Variants in TCF7L1 observed in about 807,000 individuals in gnomAD.
TCF7L1 encodes transcription factor 7-like 1.
In TCF7L1, 18 loss-of-function variants were observed where a neutral mutation model predicts 63.7. The observed-to-expected ratio is 0.28, with a 90% CI of 0.20 to 0.42. The LOEUF is 0.42. TCF7L1 is among the 10% of genes least tolerant of loss of function. TCF7L1 has a pLI of 1.00. For missense variants in TCF7L1, 654 were observed against 779.3 expected (o/e 0.84, Z 1.91); for synonymous variants, 355 against 340.9 (o/e 1.04, Z -0.46).
At chr2:85,203,210 T>C (rs905033206) in intron 3 of TCF7L1, among the ~76,000 whole-genome samples, 3 of 152,222 alleles carry the variant, frequency 2.0e-5, no homozygotes, top group African/African-American at 7.2e-5. Flanking sequence ...TAATAGCATT[T>C]CTAACATTGG....
At chr2:85,294,135 C>G (rs1440236402) in intron 4 of TCF7L1, among the ~76,000 whole-genome samples, 1 of 148,260 alleles carries the variant, frequency 6.7e-6, no homozygotes, top group African/African-American at 2.5e-5. Context: ...TTCCCGGATT[C>G]ACGCCATTCG....
At chr2:85,234,207 C>A (rs1317680308) in intron 3 of TCF7L1, among the ~76,000 whole-genome samples, 1 of 143,228 alleles carries the variant, frequency 7.0e-6, no homozygotes, top group Admixed American at 7.1e-5. Flanking sequence ...ATGATCTCAG[C>A]TCACTGCAAC....
intron 3 of TCF7L1, among the ~76,000 whole-genome samples, chr2:85,165,730 G>GT (rs982556612): frequency 3.3e-5 from 5 of 152,138 alleles, no homozygotes; most frequent in Non-Finnish European, 5.9e-5. Flanking sequence ...AACTTGGTTT[G>GT]TTTTTTGTTT....
intron 8 of TCF7L1, among the ~76,000 whole-genome samples, chr2:85,305,752 G>A (rs973813399): frequency 6.6e-6 from 1 of 152,168 alleles, no homozygotes; most frequent in Non-Finnish European, 1.5e-5. Flanking sequence ...CTTGTGGTGG[G>A]CTGGTGGCCG....
At chr2:85,264,507 A>G (rs933733018) in intron 3 of TCF7L1, among the ~76,000 whole-genome samples, 8 of 152,264 alleles carry the variant, frequency 5.3e-5, no homozygotes, top group African/African-American at 1.7e-4. Flanking sequence ...TGGAATTTTC[A>G]GGTCATCATC....
chr2:85,194,993 A>T (rs750618323), intron 3 of TCF7L1, among the ~76,000 whole-genome samples: 1 of 152,042 alleles, frequency 6.6e-6, no homozygotes, highest in East Asian at 1.9e-4. Context: ...CCCCAGTCCC[A>T]CCCCCGAGGT....
In TCF7L1 at chr2:85,306,594, C is replaced by A; in HGVS notation, c.1257+35C>A. The A allele has an allele frequency of 6.4e-7, 1 of 1,554,606 alleles. No individual in the cohort carries two copies. The highest frequency in any genetic ancestry group is 8.9e-7 in the Non-Finnish European group (1 of 1,127,658). ...CACTCTGGGCAGAGGACGCTCAGACCCCAGGAACAGCCTCTGCAAGAGGAG... is the reference window on the plus strand; with the variant it reads ...CACTCTGGGCAGAGGACGCTCAGACACCAGGAACAGCCTCTGCAAGAGGAG... On this transcript the variant is annotated intron_variant, in intron 10 of 11. Transcript: ENST00000282111. This position sits in a 1 kb window ranked among gnomAD's most constrained non-coding sequence, Gnocchi z 4.3.
chr2:85,146,195 C>T (rs1677876371), intron 3 of TCF7L1, among the ~76,000 whole-genome samples: 1 of 152,170 alleles, frequency 6.6e-6, no homozygotes, highest in Non-Finnish European at 1.5e-5. Flanking sequence ...ACACTGAATT[C>T]TTGTGCATCT....
chr2:85,277,411 C>T (rs564539056), intron 3 of TCF7L1, among the ~76,000 whole-genome samples: 2 of 151,952 alleles, frequency 1.3e-5, no homozygotes, highest in Non-Finnish European at 2.9e-5. Flanking sequence ...CACCTGCACC[C>T]GGAGTTTGGG....
chr2:85,170,437 T>G (rs1483463078), intron 3 of TCF7L1, among the ~76,000 whole-genome samples: 9 of 152,190 alleles, frequency 5.9e-5, no homozygotes, highest in Non-Finnish European at 1.2e-4. Context: ...TGCTCAGGGT[T>G]TGGAGTGCCA....
At chr2:85,304,368 G>A (rs370492773) in intron 7 of TCF7L1, 30 bp downstream of exon 7, 128 of 1,607,232 alleles carry the variant, frequency 8.0e-5, no homozygotes, top group Non-Finnish European at 1.1e-4. Context: ...CTGTCCGCAT[G>A]TTTGTCTTAG....
intron 11 of TCF7L1, among the ~76,000 whole-genome samples, chr2:85,308,314 C>T (rs549913078): frequency 2.6e-4 from 36 of 140,962 alleles, no homozygotes; most frequent in African/African-American, 4.8e-4. Context: ...GCTGCTTGCA[C>T]GATGTAAAGT....
intron 3 of TCF7L1, among the ~76,000 whole-genome samples, chr2:85,273,567 G>A (rs974723312): frequency 6.6e-6 from 1 of 152,234 alleles, no homozygotes; most frequent in African/African-American, 2.4e-5. Context: ...GCTGTTAGCA[G>A]TGTCAACTGG....
At chr2:85,209,574 C>G (rs1053593813) in intron 3 of TCF7L1, among the ~76,000 whole-genome samples, 1 of 152,150 alleles carries the variant, frequency 6.6e-6, no homozygotes, top group South Asian at 2.1e-4. Context: ...AACTTCAAAC[C>G]TGGAAAATGC....
At chr2:85,156,414 T>A (rs531715473) in intron 3 of TCF7L1, among the ~76,000 whole-genome samples, 1 of 151,902 alleles carries the variant, frequency 6.6e-6, no homozygotes, top group African/African-American at 2.4e-5. Context: ...AAGGCGAGTG[T>A]TCAGGAAGGG....
At chr2:85,176,590 C>CGGATG (rs1368020553) in intron 3 of TCF7L1, among the ~76,000 whole-genome samples, 1 of 152,170 alleles carries the variant, frequency 6.6e-6, no homozygotes, top group African/African-American at 2.4e-5. Flanking sequence ...GACCCCTCAT[C>CGGATG]CTTCATTATC....
intron 3 of TCF7L1, among the ~76,000 whole-genome samples, chr2:85,169,659 A>G (rs535703918): frequency 2.1e-4 from 32 of 152,214 alleles, no homozygotes; most frequent in African/African-American, 7.5e-4. Flanking sequence ...TCCCTAGCCA[A>G]CGGGAGGGGA....
intron 11 of TCF7L1, among the ~76,000 whole-genome samples, chr2:85,308,751 C>T (rs1348593030): frequency 6.6e-6 from 1 of 152,096 alleles, no homozygotes; most frequent in Non-Finnish European, 1.5e-5. Flanking sequence ...CCAAAAGTTA[C>T]CAGCTTTAGG....
intron 3 of TCF7L1, among the ~76,000 whole-genome samples, chr2:85,242,983 G>A (rs984767527): frequency 6.6e-6 from 1 of 152,040 alleles, no homozygotes; most frequent in Non-Finnish European, 1.5e-5. Context: ...TAAAGATCTC[G>A]ACGCACCGAC....
Sources: allele counts gnomAD v4.1 joint callset (sites outside exome capture counted in the v4.1 genomes callset), GRCh38; gene constraint gnomAD v4.1.1; non-coding constraint Gnocchi (gnomAD v3.1); transcripts MANE v1.5; gene names NCBI Gene and HGNC (gene_info 2026-07-23, HGNC 2026-07-21).